Variants in CPQ observed in about 807,000 individuals in gnomAD.
CPQ encodes carboxypeptidase Q, also known as Ser-Met dipeptidase.
A neutral mutation model predicts 45.7 loss-of-function variants in CPQ; 37 were observed. That is an observed-to-expected ratio of 0.81 (90% CI 0.62 to 1.07). CPQ has a LOEUF of 1.07. Among genes scored for constraint, CPQ ranks in the 50% least tolerant of loss-of-function variants. CPQ has a pLI of 0.00. For synonymous variants in CPQ, 186 were observed against 205.8 expected (o/e 0.90, Z 0.82); for missense variants, 537 against 572.9 (o/e 0.94, Z 0.64).
Position 96,807,584 on chromosome 8 carries a change from A to G in CPQ, c.433+22254A>G, listed in dbSNP as rs185796571. ...GAATCCTCATGACAGCCGGTGATAT[A>G]GAAGCATATTGTATGCACATTCCTT... On this transcript the variant is annotated intron_variant, in intron 2 of 7. Coordinates refer to ENST00000220763, the MANE Select transcript of CPQ (RefSeq NM_016134.4). 4.3e-3 allele frequency among the ~76,000 whole-genome samples: 651 copies of G among 152,318 alleles called. 2 individuals are homozygous for G. The highest frequency in any genetic ancestry group is 6.2e-3 in the Non-Finnish European group (420 of 68,024).
chr8:96,821,285 T>G (rs570525759), intron 2 of CPQ, among the ~76,000 whole-genome samples: 4 of 151,890 alleles, frequency 2.6e-5, no homozygotes, highest in Non-Finnish European at 4.4e-5. Context: ...AGAAGCTTTT[T>G]AGGTTGATAT....
intron 3 of CPQ, among the ~76,000 whole-genome samples, chr8:96,836,672 C>T (rs556629294): frequency 1.3e-4 from 20 of 152,256 alleles, no homozygotes; most frequent in African/African-American, 3.6e-4. Flanking sequence ...AATTATGGAG[C>T]TGGTCTGTTG....
intron 5 of CPQ, among the ~76,000 whole-genome samples, chr8:96,969,839 A>C: frequency 6.6e-6 from 1 of 152,250 alleles, no homozygotes; most frequent in East Asian, 1.9e-4. Context: ...CTCCCAAAAA[A>C]GAAATTAAAA....
chr8:97,035,180 C>T (rs1325610790), intron 6 of CPQ, among the ~76,000 whole-genome samples: 4 of 152,138 alleles, frequency 2.6e-5, no homozygotes, highest in African/African-American at 9.7e-5. Context: ...TGTGAGCCAC[C>T]ACGCCCAGCC....
At chr8:97,089,950 A>C (rs902764691) in intron 7 of CPQ, among the ~76,000 whole-genome samples, 7 of 152,168 alleles carry the variant, frequency 4.6e-5, no homozygotes, top group African/African-American at 1.7e-4. Flanking sequence ...CGGGCTAAGA[A>C]GGGCATCTGG....
At chr8:96,752,221 G>T (rs1810271888) in intron 1 of CPQ, among the ~76,000 whole-genome samples, 1 of 152,280 alleles carries the variant, frequency 6.6e-6, no homozygotes, top group African/African-American at 2.4e-5. Context: ...AGTTTGGGCA[G>T]TATGACCATT....
intron 5 of CPQ, among the ~76,000 whole-genome samples, chr8:97,014,759 G>T (rs1259550176): frequency 6.6e-6 from 1 of 151,802 alleles, no homozygotes; most frequent in Non-Finnish European, 1.5e-5. Context: ...AACAATATAG[G>T]ATTAATCCTT....
chr8:96,935,594 A>AT (rs1450744220), intron 4 of CPQ, among the ~76,000 whole-genome samples: 1 of 152,166 alleles, frequency 6.6e-6, no homozygotes, highest in African/African-American at 2.4e-5. Flanking sequence ...CCACAAGCTG[A>AT]TAACAGTTTA....
chr8:96,878,834 G>T (rs904414160), intron 3 of CPQ, among the ~76,000 whole-genome samples: 1 of 152,148 alleles, frequency 6.6e-6, no homozygotes, highest in Non-Finnish European at 1.5e-5. Context: ...AACAAATATA[G>T]AAATATGAAA....
Position 96,875,392 on chromosome 8 carries a change from T to C in CPQ, c.642-4406T>C, listed in dbSNP as rs545229428. ...TTTTGGTGTTGTCTCTAAGAAACAATTTCCTTTCCCAAAGTCATGAAGTTT... is the reference window on the plus strand; with the variant it reads ...TTTTGGTGTTGTCTCTAAGAAACAACTTCCTTTCCCAAAGTCATGAAGTTT... On this transcript the variant is annotated intron_variant, in intron 3 of 7. Transcript: ENST00000220763. 6.6e-5 allele frequency among the ~76,000 whole-genome samples: 10 copies of C among 152,030 alleles called. No individual in the cohort carries two copies. The East Asian group carries it at 1.5e-3, about 23-fold the overall frequency.
At chr8:96,725,151 C>T (rs915733131) in intron 1 of CPQ, among the ~76,000 whole-genome samples, 1 of 152,150 alleles carries the variant, frequency 6.6e-6, no homozygotes, top group East Asian at 1.9e-4. Context: ...CTAGGATGTA[C>T]CATTCTGGAC....
chr8:96,970,558 C>T (rs1813648812), intron 5 of CPQ, among the ~76,000 whole-genome samples: 1 of 151,200 alleles, frequency 6.6e-6, no homozygotes, highest in Non-Finnish European at 1.5e-5. Flanking sequence ...ACGCCATGCC[C>T]AACACTCTTT....
intron 2 of CPQ, among the ~76,000 whole-genome samples, chr8:96,794,098 G>A (rs940753931): frequency 4.6e-5 from 7 of 152,268 alleles, no homozygotes; most frequent in Non-Finnish European, 8.8e-5. Flanking sequence ...GCTCCACTAC[G>A]TGGTGCCACA....
At chr8:97,046,584 C>T (rs919168419) in intron 6 of CPQ, among the ~76,000 whole-genome samples, 11 of 152,262 alleles carry the variant, frequency 7.2e-5, no homozygotes, top group African/African-American at 2.2e-4. Flanking sequence ...CTAGTTAAAA[C>T]GGGAGTGTAA....
intron 1 of CPQ, among the ~76,000 whole-genome samples, chr8:96,752,453 C>A (rs1319319614): frequency 6.6e-6 from 1 of 151,996 alleles, no homozygotes; most frequent in African/African-American, 2.4e-5. Flanking sequence ...TATAGTAATG[C>A]TAGTGATTTT....
At chr8:96,861,913 A>C (rs976844936) in intron 3 of CPQ, among the ~76,000 whole-genome samples, 1 of 152,144 alleles carries the variant, frequency 6.6e-6, no homozygotes, top group African/African-American at 2.4e-5. Context: ...GGATACAGGT[A>C]GAGGGAGAAA....
chr8:97,085,057 G>A (rs1232513257), intron 7 of CPQ, among the ~76,000 whole-genome samples: 1 of 151,668 alleles, frequency 6.6e-6, no homozygotes, highest in Non-Finnish European at 1.5e-5. Flanking sequence ...TCAAGACTGG[G>A]GTCAGACTTC....
At chr8:96,924,806 T>C (rs1812851895) in intron 4 of CPQ, among the ~76,000 whole-genome samples, 1 of 152,222 alleles carries the variant, frequency 6.6e-6, no homozygotes, top group Non-Finnish European at 1.5e-5. Flanking sequence ...TAAACTTCTG[T>C]GGATATTAAT....
intron 1 of CPQ, among the ~76,000 whole-genome samples, chr8:96,697,047 CA>C (rs1809394226): frequency 6.6e-6 from 1 of 152,056 alleles, no homozygotes; most frequent in Admixed American, 6.6e-5. Flanking sequence ...ATACAAAAAC[CA>C]AACAATGACA....
Sources: gnomAD v4.1 joint callset for allele counts (sites outside exome capture counted in the v4.1 genomes callset) on GRCh38, gnomAD v4.1.1 for gene constraint, MANE v1.5 for transcripts, NCBI Gene and HGNC (gene_info 2026-07-23, HGNC 2026-07-21) for gene names.